BIRC6: variants seen among roughly 807,000 people sequenced by gnomAD.
BIRC6 encodes the protein dual E2 ubiquitin-conjugating enzyme/E3 ubiquitin-protein ligase BIRC6.
In BIRC6, 98 loss-of-function variants were observed where a neutral mutation model predicts 503.3. The observed-to-expected ratio is 0.19, with a 90% CI of 0.17 to 0.23. The LOEUF (loss-of-function observed/expected upper bound fraction) is 0.23. Ranked by LOEUF, BIRC6 falls within the 10% of genes least tolerant of loss-of-function variation. The pLI, the probability that BIRC6 is intolerant of heterozygous loss-of-function variation, is 1.00. For missense variants in BIRC6, 5,360 were observed against 5,806.0 expected, an observed-to-expected ratio of 0.92 and a Z score of 2.50; for synonymous variants, 2,240 against 2,078.7, an observed-to-expected ratio of 1.08 and a Z score of -2.11.
intron 1 of BIRC6, among the ~76,000 whole-genome samples, chr2:32,374,259 C>T (rs1370414421): frequency 6.6e-6 from 1 of 152,014 alleles, no homozygotes; most frequent in Non-Finnish European, 1.5e-5. Flanking sequence ...TCTCTTGACT[C>T]TATTTTGTTC....
chr2:32,591,097 A>G (rs1483977634), intron 66 of BIRC6: 1 of 489,708 alleles, frequency 2.0e-6, no homozygotes, highest in African/African-American at 2.1e-5. Context: ...AGAATCATTG[A>G]TAGGCAGGTA....
chr2:32,502,092 A>G (rs1015919868), intron 47 of BIRC6, among the ~76,000 whole-genome samples: 5 of 152,224 alleles, frequency 3.3e-5, no homozygotes, highest in Non-Finnish European at 5.9e-5. Flanking sequence ...CCACAGTGAT[A>G]TAAGAGTAAA....
intron 8 of BIRC6, among the ~76,000 whole-genome samples, chr2:32,402,339 T>C (rs1350439983): frequency 1.3e-5 from 2 of 152,162 alleles, no homozygotes; most frequent in African/African-American, 4.8e-5. Context: ...TAGGCAGCCA[T>C]GTGAAATGGA....
chr2:32,533,166 G>A (rs959109830), intron 61 of BIRC6, among the ~76,000 whole-genome samples: 2 of 152,128 alleles, frequency 1.3e-5, no homozygotes, highest in Non-Finnish European at 2.9e-5. Context: ...CTGACAAGGT[G>A]GTTTAGAAGG....
chr2:32,546,978 C>T (rs1319910035), intron 63 of BIRC6, among the ~76,000 whole-genome samples: 1 of 152,154 alleles, frequency 6.6e-6, no homozygotes, highest in African/African-American at 2.4e-5. Flanking sequence ...ACTTGGGAGG[C>T]TGAGGCAGGT....
intron 33 of BIRC6, 101 bp from the exon 34 acceptor site, chr2:32,476,112 T>C (rs1172611568): frequency 1.2e-6 from 1 of 826,140 alleles, no homozygotes; most frequent in African/African-American, 1.8e-5. Context: ...TTCAAGATAA[T>C]GTGCATTCCA....
chr2:32,439,386 T>G, intron 15 of BIRC6, 122 bp from the exon 16 acceptor site: 1 of 961,128 alleles, frequency 1.0e-6, no homozygotes, highest in Non-Finnish European at 1.5e-6. Context: ...CAGTATAATT[T>G]GAAAGTTCTG....
intron 24 of BIRC6, among the ~76,000 whole-genome samples, chr2:32,464,184 A>G (rs766483234): frequency 1.3e-5 from 2 of 152,202 alleles, no homozygotes; most frequent in Non-Finnish European, 2.9e-5. Context: ...ATTGTATTAC[A>G]TTAGTCAACA....
At chr2:32,591,551 C>G (rs1318814270) in intron 66 of BIRC6, among the ~76,000 whole-genome samples, 1 of 152,154 alleles carries the variant, frequency 6.6e-6, no homozygotes, top group African/African-American at 2.4e-5. Flanking sequence ...TGGATTGATG[C>G]AGTTCATGCT....
Position 32,473,218 on chromosome 2 carries a change from G to T in BIRC6, c.6699G>T (p.Lys2233Asn). 1 of 1,547,340 alleles carries T rather than the reference G, an allele frequency of 6.5e-7. No individual in the cohort carries two copies. The highest frequency in any genetic ancestry group is 1.2e-5 in the South Asian group (1 of 82,610). ...GATTATATTCCAGAAAAATCAGAAA[G>T]CAGCTTGTTCATCATAAACAGGTAA... ...LDRLYSRKIR[K>N]QLVHHKQQLN... The change falls in exon 33 of 74, where the codon AAG becomes AAT. Residue 2233 changes from lysine to asparagine, a missense_variant. Physicochemically the swap from Lys to Asn is moderately conservative, Grantham distance 94. Coordinates refer to ENST00000421745, the MANE Select transcript of BIRC6 (RefSeq NM_016252.4).
At chr2:32,539,582 G>A (rs1323261087) in intron 61 of BIRC6, among the ~76,000 whole-genome samples, 1 of 152,106 alleles carries the variant, frequency 6.6e-6, no homozygotes, top group Non-Finnish European at 1.5e-5. Context: ...GTAACACATG[G>A]ATGAAAGAAG....
intron 40 of BIRC6, 113 bp from the exon 41 acceptor site, chr2:32,487,534 A>G (rs2149284573): frequency 2.2e-6 from 2 of 911,832 alleles, no homozygotes; most frequent in East Asian, 5.2e-5. Context: ...ACCATTCTAA[A>G]GAATGCAGTT....
chr2:32,421,607 A>C (rs2042963579), intron 10 of BIRC6, among the ~76,000 whole-genome samples: 1 of 152,204 alleles, frequency 6.6e-6, no homozygotes, highest in African/African-American at 2.4e-5. Flanking sequence ...ATTATTTAAA[A>C]GTGTTTTGTT....
At chr2:32,480,027 T>G (rs1340611454) in intron 37 of BIRC6, among the ~76,000 whole-genome samples, 1 of 152,198 alleles carries the variant, frequency 6.6e-6, no homozygotes, top group East Asian at 1.9e-4. Flanking sequence ...TATAATCCTT[T>G]ATCATCTCCA....
intron 57 of BIRC6, among the ~76,000 whole-genome samples, chr2:32,519,812 C>G (rs774474443): frequency 6.6e-6 from 1 of 152,198 alleles, no homozygotes; most frequent in Non-Finnish European, 1.5e-5. Context: ...GCTACCGCGC[C>G]TGGCCCATAT....
At chr2:32,479,918 CT>C (rs1488140550) in intron 37 of BIRC6, among the ~76,000 whole-genome samples, 2 of 152,006 alleles carry the variant, frequency 1.3e-5, no homozygotes, top group African/African-American at 4.8e-5. Context: ...TTTAAAAGCT[CT>C]TATTCTTTAA....
rs766679620 is a variant in BIRC6, at chr2:32,478,800, C to A, written c.7234C>A (p.Leu2412Ile). 3.1e-6 allele frequency: 5 copies of A among 1,612,622 alleles called. No homozygotes were observed. Among genetic ancestry groups the A allele is most frequent in the Non-Finnish European group, 4.2e-6 (5 of 1,179,526 alleles). Residue 2412 changes from leucine to isoleucine, a missense_variant, in exon 36 of 74, where the codon CTA becomes ATA. Transcript: ENST00000421745. The stretch of plus-strand genomic sequence containing the variant: ...GGCTCAGTATTCCTTAACTTGCATG[C>A]TACAAGATATTTTAGCAGGTGTGTT... ...AWAQYSLTCM[L>I]QDILAGELLA...
At chr2:32,409,503 G>T (rs1032953655) in intron 9 of BIRC6, among the ~76,000 whole-genome samples, 4 of 152,128 alleles carry the variant, frequency 2.6e-5, no homozygotes, top group Admixed American at 6.6e-5. Flanking sequence ...CAGATAAAGA[G>T]ACATTTGTTT....
chr2:32,546,760 C>G (rs79166982), intron 63 of BIRC6, among the ~76,000 whole-genome samples: 2,395 of 151,854 alleles, frequency 0.016, 48 homozygotes, highest in African/African-American at 0.056. Flanking sequence ...AAGAGTAAAT[C>G]TGAAAAATAT....
Sources: allele counts gnomAD v4.1 joint callset (sites outside exome capture counted in the v4.1 genomes callset), GRCh38; gene constraint gnomAD v4.1.1; transcripts MANE v1.5; gene names NCBI Gene and HGNC (gene_info 2026-07-23, HGNC 2026-07-21).